GIPR: variants seen among roughly 807,000 people sequenced by gnomAD.
GIPR encodes GIP-R.
GIPR carries 74 observed loss-of-function variants against 62.2 expected under a neutral mutation model. That is an observed-to-expected ratio of 1.19 (90% CI 0.99 to 1.44). The LOEUF (loss-of-function observed/expected upper bound fraction) is 1.44. Among genes scored for constraint, GIPR ranks in the 40% most tolerant of loss-of-function variants. The pLI, the probability that GIPR is intolerant of heterozygous loss-of-function variation, is 0.00. For missense variants in GIPR, 664 were observed against 611.8 expected, an observed-to-expected ratio of 1.09 and a Z score of -0.90; for synonymous variants, 256 against 262.2, an observed-to-expected ratio of 0.98 and a Z score of 0.23.
In GIPR at chr19:45,669,525, C is replaced by T. The variant is rs1260327096; in HGVS notation, c.5C>T (p.Thr2Ile). ...AGACCCTTCGCCGCCCTCACGATGA[C>T]TACCTCTCCGATCCTGCAGCTGCTG... M[T>I]TSPILQLLLR... is the part of the protein sequence containing the mutation. Residue 2 changes from threonine to isoleucine, a missense_variant, in exon 2 of 14, where the codon ACT (threonine) becomes ATT (isoleucine). Transcript: ENST00000590918. 3 of 1,575,654 alleles carry T rather than the reference C, an allele frequency of 1.9e-6. No homozygotes were observed. The highest frequency in any genetic ancestry group is 1.3e-5 in the African/African-American group (1 of 74,492).
chr19:45,680,839 CAAAA>C (rs10561788), intron 12 of GIPR, among the ~76,000 whole-genome samples: 6,635 of 111,422 alleles, frequency 0.06, 558 homozygotes, highest in African/African-American at 0.2. Context: ...TCCCTGTCTC[CAAAA>C]AAAAAAAAAA....
chr19:45,675,162 T>A (rs1975771649), intron 7 of GIPR: 1 of 345,094 alleles, frequency 2.9e-6, no homozygotes, highest in African/African-American at 2.2e-5. Flanking sequence ...AGAAAGTAAG[T>A]GGGGGTGGGG....
intron 12 of GIPR, chr19:45,678,488 A>G: frequency 1.9e-6 from 1 of 534,286 alleles, no homozygotes; most frequent in Non-Finnish European, 3.4e-6. Context: ...CTCAGCCTCT[A>G]GAGTAGCTGG....
At position 45,672,942 on chromosome 19, in the gene GIPR, T is replaced by C. The variant is rs748216600; in HGVS notation, c.372T>C (p.Asn124=). 4 of 1,596,808 alleles carry C rather than the reference T, an allele frequency of 2.5e-6. No individual in the cohort carries two copies. The highest frequency in any genetic ancestry group is 1.7e-5 in the Admixed American group (1 of 59,992). Residue 124 remains asparagine (N), a synonymous_variant, in exon 5 of 14, where the codon AAT becomes AAC. Coordinates refer to ENST00000590918, the MANE Select transcript of GIPR (RefSeq NM_000164.4). ...DHTQCENPEK[N]EAFLDQRLIL... The stretch of plus-strand genomic sequence containing the variant: ...CACAATGTGAGAACCCAGAGAAGAA[T>C]GAGGCCTTTCTGGTAAGAAGAGGTG...
rs1370746896 is a variant in GIPR, at chr19:45,683,711, T to C, written c.*1776T>C. The stretch of plus-strand genomic sequence containing the variant: ...GGGCAAGGCTCTTGTAAATAAAGTA[T>C]AAGAAACAGTTGCTTTTTTTCTTTC... On this transcript the variant is annotated 3_prime_UTR_variant, in exon 14 of 14. Transcript: ENST00000590918. The C allele has an allele frequency of 2.6e-5, 4 of 152,218 alleles. No homozygotes were observed. Among genetic ancestry groups the C allele is most frequent in the Non-Finnish European group, 5.9e-5 (4 of 68,050 alleles). The allele number at this position is 152,218 out of a possible 1,614,324, so 9.4% of individuals were successfully genotyped here.
intron 12 of GIPR, among the ~76,000 whole-genome samples, chr19:45,678,713 G>C (rs1967086992): frequency 6.6e-6 from 1 of 152,228 alleles, no homozygotes; most frequent in Non-Finnish European, 1.5e-5. Flanking sequence ...CTGGGCTGTG[G>C]GGAGCAGCAG....
chr19:45,668,711 G>C lies in GIPR; in HGVS notation c.-45+413G>C, dbSNP rs1156431498. Among the ~76,000 whole-genome samples, 3 of 152,192 alleles carry C rather than the reference G, an allele frequency of 2.0e-5. No homozygotes were observed. In the East Asian group the frequency reaches 5.8e-4, roughly 29 times the overall value. Reference sequence around the variant, plus strand: ...TCGACCTGAGATCCTCTCTGCTTCCGTCTTTCTCTACGTGGAGCCGCGGGG... The same window carrying C: ...TCGACCTGAGATCCTCTCTGCTTCCCTCTTTCTCTACGTGGAGCCGCGGGG... On this transcript the variant is annotated intron_variant, in intron 1 of 13. Transcript: ENST00000590918.
intron 2 of GIPR, among the ~76,000 whole-genome samples, chr19:45,669,942 C>T (rs2146063635): frequency 6.9e-6 from 1 of 145,950 alleles, no homozygotes; most frequent in Admixed American, 6.8e-5. Flanking sequence ...GAGTGAGACT[C>T]TGTCTCGGGG....
At position 45,672,969 on chromosome 19, in the gene GIPR, G is replaced by C; in HGVS notation, c.384+15G>C. ...AGGCCTTTCTGGTAAGAAGAGGTGA[G>C]GGCTTCAGGTTAGGAGTCCAGGGAG... On this transcript the variant is annotated intron_variant, in intron 5 of 13. Transcript: ENST00000590918. 6.9e-7 allele frequency: 1 copy of C among 1,448,474 alleles called. No individual in the cohort carries two copies. Among genetic ancestry groups the C allele is most frequent in the Non-Finnish European group, 9.7e-7 (1 of 1,028,728 alleles). 89.7% of individuals were successfully genotyped at this position (1,448,474 alleles called of 1,614,324 possible).
rs753048333 is a variant in GIPR, at chr19:45,677,944, C to T, written c.963C>T (p.Leu321=). 6.8e-6 allele frequency: 11 copies of T among 1,614,068 alleles called. No individual in the cohort carries two copies. The Admixed American group carries it at 1.7e-4, about 24-fold the overall frequency. The stretch of plus-strand genomic sequence containing the variant: ...TTTTTATCCGCATTCTTGGCATTCT[C>T]CTGTCCAAGCTGAGGACACGGCAAA... The part of the protein sequence containing the change: ...FLIFIRILGI[L]LSKLRTRQMR... Residue 321 remains leucine, a synonymous_variant, in exon 11 of 14, where the codon CTC becomes CTT. Coordinates refer to ENST00000590918, the MANE Select transcript of GIPR (RefSeq NM_000164.4).
intron 6 of GIPR, 75 bp downstream of exon 6, chr19:45,674,252 C>A: frequency 1.1e-6 from 1 of 936,558 alleles, no homozygotes; most frequent in South Asian, 1.3e-5. Context: ...ATGGGGTGGT[C>A]TGTTTCCACC....
chr19:45,675,573 G>GAAA (rs1975800546), intron 7 of GIPR, among the ~76,000 whole-genome samples: 1 of 23,582 alleles, frequency 4.2e-5, no homozygotes, highest in Admixed American at 1.1e-3. Context: ...AGACTCCATC[G>GAAA]CAAAAAAAAA....
intron 2 of GIPR, 162 bp from the exon 3 acceptor site, chr19:45,670,473 C>T (rs932429453): frequency 1.8e-6 from 1 of 552,990 alleles, no homozygotes. Flanking sequence ...CTTCCAGGCA[C>T]CCCACCCCAA....
intron 13 of GIPR, 38 bp downstream of exon 13, chr19:45,681,683 G>A (rs1267402647): frequency 1.9e-6 from 3 of 1,611,712 alleles, no homozygotes; most frequent in Non-Finnish European, 2.5e-6. Flanking sequence ...GCCCTCTGGC[G>A]GCAGCGCGGG....
chr19:45,681,096 G>T (rs930352809), intron 12 of GIPR, among the ~76,000 whole-genome samples: 1 of 152,156 alleles, frequency 6.6e-6, no homozygotes, highest in African/African-American at 2.4e-5. Context: ...GGGTTGGTGT[G>T]GGGGAAGCCA....
chr19:45,671,157 C>A (rs1006718584), intron 3 of GIPR, 128 bp from the exon 4 acceptor site: 6 of 720,294 alleles, frequency 8.3e-6, no homozygotes, highest in Non-Finnish European at 1.5e-5. Context: ...GGGCTAGAGC[C>A]GGGCTTGGTG....
rs779659417 is a variant in GIPR at position 45,670,645 on chromosome 19, A to T, written c.83A>T (p.Lys28Met). ...LLLQRAETGSKGQTAGELYQR... is the reference protein window; with the variant it reads ...LLLQRAETGSMGQTAGELYQR... ...TCTTTCTTTTCCTAGACAGGCTCTA[A>T]GGGGCAGACGGCGGGGGAGCTGTAC... is the stretch of plus-strand genomic sequence containing the variant. The change falls in exon 3 of 14, where the codon AAG becomes ATG. Residue 28 changes from lysine to methionine, a missense_variant. By Grantham distance (95) the Lys-to-Met change is moderately conservative. Coordinates refer to ENST00000590918, the MANE Select transcript of GIPR (RefSeq NM_000164.4). 1.2e-6 allele frequency: 2 copies of T among 1,612,170 alleles called. No homozygotes were observed. Among genetic ancestry groups the T allele is most frequent in the Non-Finnish European group, 1.7e-6 (2 of 1,178,646 alleles).
In GIPR at chr19:45,678,905, A is replaced by C. The variant is rs145968871; in HGVS notation, c.1152+679A>C. ...AGGTAAGTGAGGTGCCAACGTGCAGAATCTAAGGAAAGATTCATTCCAAAA... is the reference window on the plus strand; with the variant it reads ...AGGTAAGTGAGGTGCCAACGTGCAGCATCTAAGGAAAGATTCATTCCAAAA... On this transcript the variant is annotated intron_variant, in intron 12 of 13. Coordinates refer to ENST00000590918, the MANE Select transcript of GIPR (RefSeq NM_000164.4). 3.9e-5 allele frequency among the ~76,000 whole-genome samples: 6 copies of C among 152,314 alleles called. No homozygotes were observed. The East Asian group carries it at 1.2e-3, about 29-fold the overall frequency.
At position 45,676,188 on chromosome 19, in the gene GIPR, G is replaced by A. The variant is rs190681379; in HGVS notation, c.634-761G>A. Among the ~76,000 whole-genome samples the A allele has an allele frequency of 2.7e-3, 380 of 140,236 alleles. 17 individuals are homozygous for A. In the East Asian group the frequency reaches 0.072, roughly 26 times the overall value. The allele number at this position is 140,236 out of a possible 152,430, so 92.0% of individuals were successfully genotyped here. ...ATTGCGCTCCAGCCTGGGCGACAGAGCAAGGCTCCGTCTAAAAAAAAAAAA... is the reference window on the plus strand; with the variant it reads ...ATTGCGCTCCAGCCTGGGCGACAGAACAAGGCTCCGTCTAAAAAAAAAAAA... On this transcript the variant is annotated intron_variant, in intron 7 of 13. Coordinates refer to ENST00000590918, the MANE Select transcript of GIPR (RefSeq NM_000164.4).
Sources: allele counts gnomAD v4.1 joint callset (sites outside exome capture counted in the v4.1 genomes callset), GRCh38; gene constraint gnomAD v4.1.1; transcripts MANE v1.5; gene names NCBI Gene and HGNC (gene_info 2026-07-23, HGNC 2026-07-21).